C19orf12: variants seen among roughly 807,000 people sequenced by gnomAD.
C19orf12 encodes chromosome 19 open reading frame 12.
Under a neutral mutation model 3.8 loss-of-function variants are expected in C19orf12, and 2 were observed. The ratio of observed to expected loss-of-function variants is 0.53; its 90% CI spans 0.22 to 1.66. C19orf12 has a LOEUF of 1.66. C19orf12 is among the 40% of genes most tolerant of loss of function. The pLI, the probability that C19orf12 is intolerant of heterozygous loss-of-function variation, is 0.20. For synonymous variants in C19orf12, 89 were observed against 84.6 expected, an observed-to-expected ratio of 1.05 and a Z score of -0.28; for missense variants, 156 against 188.8, an observed-to-expected ratio of 0.83 and a Z score of 1.02.
chr19:29,711,925 T>C (rs1972701701), intron 1 of C19orf12, among the ~76,000 whole-genome samples: 1 of 152,136 alleles, frequency 6.6e-6, no homozygotes, highest in South Asian at 2.1e-4. Flanking sequence ...AGAAATCAAT[T>C]AGGCAAATAG....
chr19:29,700,928 A>G lies in C19orf12; in HGVS notation c.*1784T>C, dbSNP rs892932520. The G allele has an allele frequency of 2.2e-6, 1 of 453,910 alleles. No homozygotes were observed. Among genetic ancestry groups the G allele is most frequent in the Non-Finnish European group, 4.4e-6 (1 of 226,722 alleles). 28.1% of individuals were successfully genotyped at this position (453,910 alleles called of 1,614,324 possible). A position where few individuals can be genotyped will look rare whatever the true frequency, so the allele number is the denominator to read the frequency against. On this transcript the variant is annotated 3_prime_UTR_variant, in exon 3 of 3. Transcript: ENST00000323670. ...CCCAGGACCTGGGGACCAAGGAATA[A>G]CATTTTTTGTAGAGATGGAGGTCTC... is the stretch of plus-strand genomic sequence containing the variant.
At position 29,700,526 on chromosome 19, in the gene C19orf12, G is replaced by A. The variant is rs73548135; in HGVS notation, c.*2186C>T. 2,536 of 454,062 alleles carry A rather than the reference G, an allele frequency of 5.6e-3. 53 individuals carry two copies. The highest frequency in any genetic ancestry group is 0.046 in the African/African-American group (2,328 of 50,098). 28.1% of individuals were successfully genotyped at this position (454,062 alleles called of 1,614,324 possible). ...GTCCGTATGCAGGACTTATTTGCAG[G>A]AAGAGCAGGAATGATCAGTTCAACA... On this transcript the variant is annotated 3_prime_UTR_variant, in exon 3 of 3. Transcript: ENST00000323670.
In C19orf12 at chr19:29,702,938, C is replaced by A; in HGVS notation, c.200G>T (p.Ser67Ile). 4 of 1,614,204 alleles carry A rather than the reference C, an allele frequency of 2.5e-6. No individual in the cohort carries two copies. The highest frequency in any genetic ancestry group is 3.4e-6 in the Non-Finnish European group (4 of 1,180,030). The change falls in exon 3 of 3, where the codon AGT (serine) becomes ATT (isoleucine). Residue 67 changes from serine (S) to isoleucine (I), a missense_variant. Ser to Ile is a moderately radical substitution (Grantham distance 142, BLOSUM62 -2). Transcript: ENST00000323670. ...CTGAGGAACCGGCTTAAACTGTCCA[C>A]TTGTCATCCAGGCACCTAACAGCCC... ...VGGLLGAWMT[S>I]GQFKPVPQIL...
Position 29,702,585 on chromosome 19 carries a change from C to A in C19orf12, c.*127G>T, listed in dbSNP as rs765192407. On this transcript the variant is annotated 3_prime_UTR_variant, in exon 3 of 3. Transcript: ENST00000323670. Reference sequence around the variant, plus strand: ...CGGTGGCCTCTCCAGCGGGACATTACTAGTAATACACTGATGATGTGGAGA... The same window carrying A: ...CGGTGGCCTCTCCAGCGGGACATTAATAGTAATACACTGATGATGTGGAGA... The A allele has an allele frequency of 7.1e-6, 9 of 1,264,240 alleles. No individual in the cohort carries two copies. The South Asian group carries it at 7.2e-5, about 10-fold the overall frequency. The allele number at this position is 1,264,240 out of a possible 1,614,324, so 78.3% of individuals were successfully genotyped here. A position where few individuals can be genotyped will look rare whatever the true frequency, so the allele number is the denominator to read the frequency against.
chr19:29,715,456 A>G, upstream of C19orf12: 1 of 400,226 alleles, frequency 2.5e-6, no homozygotes, highest in Non-Finnish European at 5.1e-6. Context: ...GCGTAAGGAG[A>G]CGAGGCGCCC....
upstream of C19orf12, chr19:29,715,525 C>T (rs982600203): frequency 3.1e-5 from 9 of 292,338 alleles, no homozygotes; most frequent in Non-Finnish European, 5.7e-5. Flanking sequence ...CTGCCTTTCT[C>T]CCACGCGCAC....
At chr19:29,715,078 G>A in intron 1 of C19orf12, 47 bp downstream of exon 1, 1 of 611,482 alleles carries the variant, frequency 1.6e-6, no homozygotes, top group Non-Finnish European at 2.9e-6. Flanking sequence ...CCTCTCGCGG[G>A]GCGCGGCCTG....
chr19:29,705,871 GA>G (rs1047401445), intron 2 of C19orf12, among the ~76,000 whole-genome samples: 4 of 152,140 alleles, frequency 2.6e-5, no homozygotes, highest in Non-Finnish European at 5.9e-5. Flanking sequence ...TAGGAGAACC[GA>G]AACTGGATGG....
chr19:29,714,852 T>G, intron 1 of C19orf12: 1 of 260,356 alleles, frequency 3.8e-6, no homozygotes, highest in Non-Finnish European at 8.3e-6. Flanking sequence ...CCTACGCCAC[T>G]CCTGGGTGAC....
At chr19:29,706,061 G>A (rs2034199107) in intron 2 of C19orf12, among the ~76,000 whole-genome samples, 1 of 152,210 alleles carries the variant, frequency 6.6e-6, no homozygotes, top group Non-Finnish European at 1.5e-5. Flanking sequence ...CAAGCACCGA[G>A]GCCCCTGGAG....
At chr19:29,705,453 C>T (rs1972326394) in intron 2 of C19orf12, 2 of 303,514 alleles carry the variant, frequency 6.6e-6, no homozygotes, top group Admixed American at 4.2e-5. Flanking sequence ...TGGTGAAACC[C>T]AAATCAAGTC....
chr19:29,714,838 C>T, intron 1 of C19orf12: 1 of 659,130 alleles, frequency 1.5e-6, no homozygotes, highest in Non-Finnish European at 2.8e-6. Context: ...CCACCACACC[C>T]ATGCCTACGC....
rs1972191219 is a variant in C19orf12 at position 29,702,972 on chromosome 19, C to T, written c.166G>A (p.Ala56Thr). 6.2e-7 allele frequency: 1 copy of T among 1,613,736 alleles called. No homozygotes were observed. Among genetic ancestry groups the T allele is most frequent in the Non-Finnish European group, 8.5e-7 (1 of 1,179,886 alleles). The change falls in exon 3 of 3, where the codon GCT becomes ACT. Residue 56 changes from alanine (A) to threonine (T), a missense_variant. Transcript: ENST00000323670. ...GGPPGLAVGG[A>T]VGGLLGAWMT... The stretch of plus-strand genomic sequence containing the variant: ...CAGGCACCTAACAGCCCCCCGACAG[C>T]CCCCCCTAGAAAACATGGAATCGTT...
Position 29,702,344 on chromosome 19 carries a change from G to A in C19orf12, c.*368C>T, listed in dbSNP as rs761322312. The A allele has an allele frequency of 4.1e-6, 2 of 487,706 alleles. No individual in the cohort carries two copies. The highest frequency in any genetic ancestry group is 1.5e-5 in the South Asian group (1 of 64,788). 30.2% of individuals were successfully genotyped at this position (487,706 alleles called of 1,614,324 possible). A position where few individuals can be genotyped will look rare whatever the true frequency, so the allele number is the denominator to read the frequency against. ...ATCTCCCAAGATGAGAAGGCCCCGG[G>A]GGGAGGATGAAGTGTGGTCAGACCG... On this transcript the variant is annotated 3_prime_UTR_variant, in exon 3 of 3. Transcript: ENST00000323670.
rs1349752708 is a variant in C19orf12 at position 29,701,587 on chromosome 19, G to A, written c.*1125C>T. 8 of 453,912 alleles carry A rather than the reference G, an allele frequency of 1.8e-5. No individual in the cohort carries two copies. Among genetic ancestry groups the A allele is most frequent in the Non-Finnish European group, 3.5e-5 (8 of 226,788 alleles). The allele number at this position is 453,912 out of a possible 1,614,324, so 28.1% of individuals were successfully genotyped here. A position where few individuals can be genotyped will look rare whatever the true frequency, so the allele number is the denominator to read the frequency against. On this transcript the variant is annotated 3_prime_UTR_variant, in exon 3 of 3. Transcript: ENST00000323670. The stretch of plus-strand genomic sequence containing the variant: ...AGTTACGGAGAGCTGACTGTACTGG[G>A]GAAATCTTTAGGGTAGAAACATTTC...
intron 1 of C19orf12, among the ~76,000 whole-genome samples, chr19:29,713,527 C>A (rs1333181560): frequency 6.8e-6 from 1 of 148,080 alleles, no homozygotes; most frequent in Non-Finnish European, 1.5e-5. Flanking sequence ...TATCTGACCT[C>A]CAAGTACCCT....
In C19orf12 at chr19:29,699,469, C is replaced by G. The variant is rs533445390; in HGVS notation, c.*3243G>C. 3 of 409,054 alleles carry G rather than the reference C, an allele frequency of 7.3e-6. No individual in the cohort carries two copies. The highest frequency in any genetic ancestry group is 1.4e-5 in the Non-Finnish European group (3 of 215,878). 25.3% of individuals were successfully genotyped at this position (409,054 alleles called of 1,614,324 possible). On this transcript the variant is annotated 3_prime_UTR_variant, in exon 3 of 3. Transcript: ENST00000323670. ...CTGCACTCCAGCCCGGGCGACAGTGCGAGACTCCATCTCAAAAAAAAAAAA... is the reference window on the plus strand; with the variant it reads ...CTGCACTCCAGCCCGGGCGACAGTGGGAGACTCCATCTCAAAAAAAAAAAA...
Position 29,708,304 on chromosome 19 carries a change from GC to G in C19orf12, c.109del (p.Ala37ProfsTer25). ...CACCAAACCCCCGACGAAGGCCATG[GC>G]CCCTGTGACCAGGGCACCCTTCCCA... ...HSGKGALVTG[A>X]MAFVGGLVGG... On this transcript the variant is annotated frameshift_variant, in exon 2 of 3. Transcript: ENST00000323670. LOFTEE classifies it high-confidence loss of function. 3 of 1,613,828 alleles carry G rather than the reference GC, an allele frequency of 1.9e-6. No homozygotes were observed. Among genetic ancestry groups the G allele is most frequent in the Non-Finnish European group, 2.5e-6 (3 of 1,180,022 alleles).
chr19:29,702,019 C>T lies in C19orf12; in HGVS notation c.*693G>A, dbSNP rs1448851763. The T allele has an allele frequency of 4.4e-6, 2 of 453,144 alleles. No homozygotes were observed. Among genetic ancestry groups the T allele is most frequent in the South Asian group, 3.1e-5 (2 of 64,406 alleles). The allele number at this position is 453,144 out of a possible 1,614,324, so 28.1% of individuals were successfully genotyped here. ...CCTGTACTTTTTACTAAAAATATTT[C>T]ATTTGAGAAGTAAACCTCAAGAACT... On this transcript the variant is annotated 3_prime_UTR_variant, in exon 3 of 3. Coordinates refer to ENST00000323670, the MANE Select transcript of C19orf12 (RefSeq NM_031448.6).
Sources: allele counts gnomAD v4.1 joint callset (sites outside exome capture counted in the v4.1 genomes callset), GRCh38; gene constraint gnomAD v4.1.1; transcripts MANE v1.5; gene names NCBI Gene and HGNC (gene_info 2026-07-23, HGNC 2026-07-21).